The following IGF2R variants were observed in gnomAD, a reference collection of about 807,000 sequenced individuals.
IGF2R encodes the protein insulin like growth factor 2 receptor.
In IGF2R, 91 loss-of-function variants were observed where a neutral mutation model predicts 270.6. The observed-to-expected ratio is 0.34, with a 90% CI of 0.28 to 0.40. The LOEUF is 0.40. Ranked by LOEUF, IGF2R falls within the 10% of genes least tolerant of loss-of-function variation. IGF2R has a pLI of 1.00. For missense variants in IGF2R, 2,805 were observed against 3,188.3 expected (o/e 0.88, Z 2.90); for synonymous variants, 1,316 against 1,258.9 (o/e 1.05, Z -0.96).
At chr6:159,981,553 A>T (rs1169943910) in intron 1 of IGF2R, among the ~76,000 whole-genome samples, 1 of 152,166 alleles carries the variant, frequency 6.6e-6, no homozygotes, top group Non-Finnish European at 1.5e-5. Context: ...TCTGGATTCA[A>T]ATGAAAGCTT....
Position 160,060,567 on chromosome 6 carries a change from G to A in IGF2R, c.3112G>A (p.Val1038Ile), listed in dbSNP as rs775179985. 28 of 1,614,042 alleles carry A rather than the reference G, an allele frequency of 1.7e-5. No homozygotes were observed. In the East Asian group the frequency reaches 2.0e-4, roughly 12 times the overall value. ...SAKGTADAFI[V>I]RFVCNDDVYS... The stretch of plus-strand genomic sequence containing the variant: ...TACAGGTACCGCTGATGCTTTTATC[G>A]TCCGCTTTGTTTGCAATGATGATGT... Residue 1038 changes from valine (V) to isoleucine (I), a missense_variant, in exon 23 of 48, where the codon GTC (valine) becomes ATC (isoleucine). Around this residue, in one of 2 missense-constraint regions of IGF2R, gnomAD observed 1,851 missense variants for 2,207.2 expected, o/e 0.84. Coordinates refer to ENST00000356956, the MANE Select transcript of IGF2R (RefSeq NM_000876.4).
At chr6:160,075,644 A>G (rs1026946993) in intron 35 of IGF2R, among the ~76,000 whole-genome samples, 2 of 152,162 alleles carry the variant, frequency 1.3e-5, no homozygotes, top group Non-Finnish European at 2.9e-5. Context: ...TAGGATCAAA[A>G]CGATAACCAC....
Position 160,047,807 on chromosome 6 carries a change from A to C in IGF2R, c.2245A>C (p.Thr749Pro). The C allele has an allele frequency of 6.2e-7, 1 of 1,611,584 alleles. No individual in the cohort carries two copies. Among genetic ancestry groups the C allele is most frequent in the Non-Finnish European group, 8.5e-7 (1 of 1,177,684 alleles). ...FPEYQEEDNS[T>P]YNFRWYTSYA... Reference sequence around the variant, plus strand: ...CGTGGATTAGGAAGAGGATAACTCCACCTACAACTTCCGGTGGTACACCAG... The same window carrying C: ...CGTGGATTAGGAAGAGGATAACTCCCCCTACAACTTCCGGTGGTACACCAG... The change falls in exon 17 of 48, where the codon ACC becomes CCC. Residue 749 changes from threonine (T) to proline (P), a missense_variant. Physicochemically the swap from Thr to Pro is conservative, Grantham distance 38 (BLOSUM62 -1). Coordinates refer to ENST00000356956, the MANE Select transcript of IGF2R (RefSeq NM_000876.4).
At chr6:160,041,073 C>T (rs939955340) in intron 11 of IGF2R, among the ~76,000 whole-genome samples, 2 of 152,130 alleles carry the variant, frequency 1.3e-5, no homozygotes, top group Non-Finnish European at 2.9e-5. Context: ...GCTGCCTCAG[C>T]GTGCAGTGGG....
At chr6:160,076,164 G>T (rs977800645) in intron 36 of IGF2R, among the ~76,000 whole-genome samples, 168 bp downstream of exon 36, 1 of 152,210 alleles carries the variant, frequency 6.6e-6, no homozygotes, top group Non-Finnish European at 1.5e-5. Flanking sequence ...CACTGATTGA[G>T]GGCTGAGTGA....
chr6:160,081,749 G>C (rs1046257703), intron 39 of IGF2R, among the ~76,000 whole-genome samples: 1 of 152,136 alleles, frequency 6.6e-6, no homozygotes, highest in African/African-American at 2.4e-5. Flanking sequence ...TCCTTACTGG[G>C]GAAAGAATTC....
intron 45 of IGF2R, 97 bp downstream of exon 45, chr6:160,096,722 A>G (rs1339545196): frequency 2.9e-6 from 3 of 1,038,024 alleles, no homozygotes; most frequent in Non-Finnish European, 4.2e-6. Flanking sequence ...CTTGTGAAAT[A>G]TTCAGAACAT....
intron 6 of IGF2R, among the ~76,000 whole-genome samples, chr6:160,028,814 G>C (rs1022626333): frequency 8.6e-5 from 13 of 151,788 alleles, no homozygotes; most frequent in African/African-American, 3.1e-4. Context: ...AATGCACCTG[G>C]CCTGCTTGTC....
chr6:160,081,288 C>G (rs1483535427), intron 39 of IGF2R, among the ~76,000 whole-genome samples: 1 of 151,998 alleles, frequency 6.6e-6, no homozygotes, highest in African/African-American at 2.4e-5. Flanking sequence ...AAGCTGGTGT[C>G]CGGGGGAGAC....
chr6:160,078,235 A>G lies in IGF2R; in HGVS notation c.5351A>G (p.Asp1784Gly). 6.2e-7 allele frequency: 1 copy of G among 1,614,170 alleles called. No homozygotes were observed. Among genetic ancestry groups the G allele is most frequent in the Non-Finnish European group, 8.5e-7 (1 of 1,180,016 alleles). The change falls in exon 37 of 48, where the codon GAC becomes GGC. Residue 1784 changes from aspartate (D) to glycine (G), a missense_variant. By Grantham distance (94) the Asp-to-Gly change is moderately conservative. Around this residue, in one of 2 missense-constraint regions of IGF2R, gnomAD observed 1,851 missense variants for 2,207.2 expected, o/e 0.84. Transcript: ENST00000356956. ...AAGCTGTTAAGGACCAGCGAGTGCGACTTTGTGTTCGAATGGGAGACTCCT... is the reference window on the plus strand; with the variant it reads ...AAGCTGTTAAGGACCAGCGAGTGCGGCTTTGTGTTCGAATGGGAGACTCCT... ...TPKLLRTSECDFVFEWETPVV... is the reference protein window; with the variant it reads ...TPKLLRTSECGFVFEWETPVV...
rs1784364897 is a variant in IGF2R, at chr6:160,013,189, T to A, written c.513+2404T>A. On this transcript the variant is annotated intron_variant, in intron 4 of 47. Transcript: ENST00000356956. Reference sequence around the variant, plus strand: ...GTGTCTTCTACCACCTAGGAAAAAATTGCTTTCCAAAATAAAATGAATAGC... The same window carrying A: ...GTGTCTTCTACCACCTAGGAAAAAAATGCTTTCCAAAATAAAATGAATAGC... Among the ~76,000 whole-genome samples, 3 of 151,930 alleles carry A rather than the reference T, an allele frequency of 2.0e-5. No individual in the cohort carries two copies. The South Asian group carries it at 6.2e-4, about 32-fold the overall frequency.
At chr6:159,994,339 T>A (rs189084799) in intron 2 of IGF2R, among the ~76,000 whole-genome samples, 3 of 152,204 alleles carry the variant, frequency 2.0e-5, no homozygotes, top group Admixed American at 2.0e-4. Flanking sequence ...TTGTGTCTCT[T>A]CTTTTTTTGG....
In IGF2R at chr6:160,009,002, C is replaced by T. The variant is rs2115203492; in HGVS notation, c.290-8C>T. The T allele has an allele frequency of 6.2e-7, 1 of 1,613,662 alleles. No homozygotes were observed. The highest frequency in any genetic ancestry group is 8.5e-7 in the Non-Finnish European group (1 of 1,179,724). On this transcript the variant is annotated splice_region_variant and splice_polypyrimidine_tract_variant and intron_variant, in intron 2 of 47. Coordinates refer to ENST00000356956, the MANE Select transcript of IGF2R (RefSeq NM_000876.4). Reference sequence around the variant, plus strand: ...ATAGCCTGTTCACTCTCTTTTCTCTCCAAATAGGTGACTCTGTTTTGAGAA... The same window carrying T: ...ATAGCCTGTTCACTCTCTTTTCTCTTCAAATAGGTGACTCTGTTTTGAGAA...
chr6:160,063,151 C>T (rs1001012085), intron 26 of IGF2R, among the ~76,000 whole-genome samples: 9 of 151,316 alleles, frequency 5.9e-5, no homozygotes, highest in Non-Finnish European at 1.2e-4. Context: ...GATTCTCCTG[C>T]CTCAGCCTCC....
intron 5 of IGF2R, among the ~76,000 whole-genome samples, chr6:160,025,574 A>G (rs1243806793): frequency 6.6e-6 from 1 of 152,230 alleles, no homozygotes; most frequent in Admixed American, 6.5e-5. Flanking sequence ...TTATATATAT[A>G]CATTATGTAC....
chr6:160,092,328 G>A (rs1047468166), intron 44 of IGF2R, among the ~76,000 whole-genome samples: 1 of 152,250 alleles, frequency 6.6e-6, no homozygotes, highest in African/African-American at 2.4e-5. Context: ...GATACTGCTG[G>A]TGTGTCTGCA....
intron 10 of IGF2R, among the ~76,000 whole-genome samples, chr6:160,038,773 T>A (rs975763621): frequency 6.6e-6 from 1 of 152,016 alleles, no homozygotes; most frequent in South Asian, 2.1e-4. Context: ...AGTGGCTTAG[T>A]GTACTTATTA....
In IGF2R at chr6:160,071,891, TG is replaced by T. The variant is rs1352720914; in HGVS notation, c.4444-18del. On this transcript the variant is annotated intron_variant, in intron 31 of 47. Coordinates refer to ENST00000356956, the MANE Select transcript of IGF2R (RefSeq NM_000876.4). The stretch of plus-strand genomic sequence containing the variant: ...GTTTTTGCGTGATCCCTTCAGGACC[TG>T]TCTGTGCTTTGTTGTAGAACTCCAG... 1 of 1,614,110 alleles carries T rather than the reference TG, an allele frequency of 6.2e-7. No homozygotes were observed. The highest frequency in any genetic ancestry group is 1.1e-5 in the South Asian group (1 of 91,088).
chr6:159,990,771 A>C (rs549689483), intron 1 of IGF2R, among the ~76,000 whole-genome samples: 6 of 152,150 alleles, frequency 3.9e-5, no homozygotes, highest in Non-Finnish European at 8.8e-5. Flanking sequence ...CTGTAATTAT[A>C]GGCGTGTGCC....
Sources: allele counts gnomAD v4.1 joint callset (sites outside exome capture counted in the v4.1 genomes callset), GRCh38; gene constraint gnomAD v4.1.1; regional missense constraint gnomAD v4.1.1; transcripts MANE v1.5; gene names NCBI Gene and HGNC (gene_info 2026-07-23, HGNC 2026-07-21).